The following GLIS3 variants were observed in gnomAD, a reference collection of about 807,000 sequenced individuals.
GLIS3 encodes the protein zinc finger protein GLIS3.
Under a neutral mutation model 78.6 loss-of-function variants are expected in GLIS3, and 53 were observed. The ratio of observed to expected loss-of-function variants is 0.67; its 90% CI spans 0.54 to 0.85. The LOEUF (loss-of-function observed/expected upper bound fraction) is 0.85, where lower values mean the gene tolerates loss of function less well. GLIS3 is among the 40% of genes least tolerant of loss of function. GLIS3 has a pLI of 0.00. For synonymous variants in GLIS3, 684 were observed against 509.9 expected, an observed-to-expected ratio of 1.34 and a Z score of -4.60; for missense variants, 1,703 against 1,231.1, an observed-to-expected ratio of 1.38 and a Z score of -5.74.
intron 4 of GLIS3, chr9:4,081,485 T>C (rs908109905): frequency 1.3e-5 from 2 of 152,238 alleles, no homozygotes; most frequent in Admixed American, 1.3e-4. Flanking sequence ...AATCCTCATT[T>C]TCTTTGCTCT....
chr9:4,184,026 G>A (rs1380110930), intron 2 of GLIS3, among the ~76,000 whole-genome samples: 1 of 151,904 alleles, frequency 6.6e-6, no homozygotes, highest in Non-Finnish European at 1.5e-5. Flanking sequence ...AAATCAATGA[G>A]GAACATGAAA....
At chr9:4,140,802 C>CTT (rs34672153) in intron 2 of GLIS3, among the ~76,000 whole-genome samples, 1 of 148,632 alleles carries the variant, frequency 6.7e-6, no homozygotes, top group Admixed American at 6.7e-5. Context: ...TTGAATTTAT[C>CTT]TTTTTTTTTT....
chr9:4,381,630 CTTCCTG>C, the GLIS3 span, among the ~76,000 whole-genome samples: 6,438 of 152,266 alleles, frequency 0.042, 433 homozygotes, highest in African/African-American at 0.14. Context: ...GCCTGTTTGT[CTTCCTG>C]AAGGAAGTAC....
intron 9 of GLIS3, among the ~76,000 whole-genome samples, chr9:3,852,127 A>C (rs1819472619): frequency 6.6e-6 from 1 of 151,996 alleles, no homozygotes. Context: ...CCTGGGTGAC[A>C]TAGTGAGACT....
chr9:4,012,710 CTA>C (rs1419470879), intron 4 of GLIS3, among the ~76,000 whole-genome samples: 1 of 145,668 alleles, frequency 6.9e-6, no homozygotes, highest in Non-Finnish European at 1.5e-5. Context: ...TCTTTGCCTT[CTA>C]TTTGTTCACA....
the GLIS3 span, among the ~76,000 whole-genome samples, chr9:4,482,653 C>G: frequency 1.3e-5 from 2 of 152,322 alleles, no homozygotes; most frequent in East Asian, 3.9e-4. Flanking sequence ...TGATGTCTTA[C>G]TTTTTGTTTC....
rs117985229 is a variant in GLIS3, at chr9:3,911,574, C to T, written c.1984-12739G>A. Reference sequence around the variant, plus strand: ...AATTACACTACAACATTAGTAACCACTTATAATAGCCTATCCACAATATGG... The same window carrying T: ...AATTACACTACAACATTAGTAACCATTTATAATAGCCTATCCACAATATGG... On this transcript the variant is annotated intron_variant, in intron 6 of 10. Transcript: ENST00000381971. Among the ~76,000 whole-genome samples, 728 of 152,312 alleles carry T rather than the reference C, an allele frequency of 4.8e-3. 4 individuals are homozygous for T. Among genetic ancestry groups the T allele is most frequent in the Middle Eastern group, 6.8e-3 (2 of 294 alleles).
At chr9:4,279,342 C>T (rs1411202789) in intron 2 of GLIS3, among the ~76,000 whole-genome samples, 1 of 80,104 alleles carries the variant, frequency 1.2e-5, no homozygotes, top group South Asian at 3.6e-4. Flanking sequence ...CACACACACA[C>T]ACACACACAC....
chr9:3,912,086 T>A (rs1824192851), intron 6 of GLIS3, among the ~76,000 whole-genome samples: 1 of 152,168 alleles, frequency 6.6e-6, no homozygotes, highest in Non-Finnish European at 1.5e-5. Flanking sequence ...CTCTCAAGAC[T>A]TCAGAACCTT....
chr9:3,964,751 G>A (rs1226030030), intron 4 of GLIS3, among the ~76,000 whole-genome samples: 2 of 152,152 alleles, frequency 1.3e-5, no homozygotes, highest in African/African-American at 4.8e-5. Context: ...ATTTATAATA[G>A]CAAAAGCCAA....
intron 4 of GLIS3, 49 bp from the exon 5 acceptor site, chr9:3,937,238 T>C: frequency 6.2e-7 from 1 of 1,604,940 alleles, no homozygotes; most frequent in Non-Finnish European, 8.5e-7. Context: ...CTTGAATGTT[T>C]GAGTCTGGGG....
chr9:3,973,067 C>G (rs1473770720), intron 4 of GLIS3, among the ~76,000 whole-genome samples: 2 of 152,098 alleles, frequency 1.3e-5, no homozygotes. Context: ...CTCACTGAAG[C>G]TATCATATTC....
intron 4 of GLIS3, among the ~76,000 whole-genome samples, chr9:4,087,277 TAAAC>T (rs1161249564): frequency 2.0e-5 from 3 of 152,176 alleles, no homozygotes; most frequent in Non-Finnish European, 4.4e-5. Context: ...AGGCCATGGA[TAAAC>T]ATTTATTATT....
the GLIS3 span, among the ~76,000 whole-genome samples, chr9:4,416,106 G>A: frequency 6.6e-6 from 1 of 151,386 alleles, no homozygotes; most frequent in African/African-American, 2.4e-5. Flanking sequence ...ATGCAAAGTG[G>A]CCAGGTGCAG....
chr9:4,215,314 A>T (rs1181079167), intron 2 of GLIS3, among the ~76,000 whole-genome samples: 1 of 133,804 alleles, frequency 7.5e-6, no homozygotes, highest in Non-Finnish European at 1.6e-5. Flanking sequence ...AGATGAGAGG[A>T]GTGTGTGTGC....
At chr9:4,032,932 C>T (rs998686762) in intron 4 of GLIS3, among the ~76,000 whole-genome samples, 1 of 151,788 alleles carries the variant, frequency 6.6e-6, no homozygotes, top group Admixed American at 6.6e-5. Flanking sequence ...CGGCTCACTG[C>T]AAGCTCCGCC....
the GLIS3 span, among the ~76,000 whole-genome samples, chr9:4,397,859 T>A: frequency 6.6e-6 from 1 of 151,962 alleles, no homozygotes; most frequent in Non-Finnish European, 1.5e-5. Context: ...TTGGATGGGA[T>A]GAAGAAAAAT....
chr9:4,030,213 T>C (rs978084208), intron 4 of GLIS3, among the ~76,000 whole-genome samples: 1 of 152,208 alleles, frequency 6.6e-6, no homozygotes, highest in African/African-American at 2.4e-5. Flanking sequence ...TTGAGCACCT[T>C]TTCATATGCC....
intron 4 of GLIS3, among the ~76,000 whole-genome samples, chr9:4,010,809 G>T (rs180877064): frequency 6.6e-6 from 1 of 152,138 alleles, no homozygotes. Context: ...ACCTAGAGTG[G>T]GTCCTGTGTT....
Sources: allele counts gnomAD v4.1 joint callset (sites outside exome capture counted in the v4.1 genomes callset), GRCh38; gene constraint gnomAD v4.1.1; transcripts MANE v1.5; gene names NCBI Gene and HGNC (gene_info 2026-07-23, HGNC 2026-07-21).